Variants in PDE4D observed in about 807,000 individuals in gnomAD.
The protein encoded by PDE4D is 3',5'-cyclic-AMP phosphodiesterase 4D.
PDE4D carries 24 observed loss-of-function variants against 87.4 expected under a neutral mutation model. The ratio of observed to expected loss-of-function variants is 0.27; its 90% CI spans 0.20 to 0.39. The LOEUF (loss-of-function observed/expected upper bound fraction) is 0.39. Among genes scored for constraint, PDE4D ranks in the 10% least tolerant of loss-of-function variants. PDE4D has a pLI of 1.00. For missense variants in PDE4D, 714 were observed against 1,041.0 expected, an observed-to-expected ratio of 0.69 and a Z score of 4.32; for synonymous variants, 384 against 383.2, an observed-to-expected ratio of 1.00 and a Z score of -0.02.
chr5:59,810,899 C>G (rs1263698560), intron 1 of PDE4D, among the ~76,000 whole-genome samples: 6 of 152,156 alleles, frequency 3.9e-5, no homozygotes, highest in African/African-American at 1.2e-4. Context: ...AACAAATGCT[C>G]TAAGATGCAT....
intron 5 of PDE4D, among the ~76,000 whole-genome samples, chr5:59,168,362 C>G (rs949070578): frequency 1.3e-5 from 2 of 152,190 alleles, no homozygotes; most frequent in Non-Finnish European, 2.9e-5. Flanking sequence ...CCTGGTTCCT[C>G]CGAAACACCC....
chr5:59,758,467 A>G (rs1489891177), intron 1 of PDE4D, among the ~76,000 whole-genome samples: 1 of 152,220 alleles, frequency 6.6e-6, no homozygotes, highest in African/African-American at 2.4e-5. Flanking sequence ...TAAGTGCCTC[A>G]TCTGAAATAC....
intron 1 of PDE4D, among the ~76,000 whole-genome samples, chr5:59,400,771 C>T (rs1057203155): frequency 2.6e-5 from 4 of 151,954 alleles, no homozygotes; most frequent in African/African-American, 9.7e-5. Flanking sequence ...TACAACATTC[C>T]TATGAGTTTA....
intron 3 of PDE4D, among the ~76,000 whole-genome samples, chr5:59,936,908 A>G (rs150973548): frequency 1.1e-3 from 174 of 152,356 alleles, no homozygotes; most frequent in African/African-American, 4.0e-3. Context: ...GGTTGAGGAG[A>G]AACTGCTATT....
intron 1 of PDE4D, among the ~76,000 whole-genome samples, chr5:60,341,601 C>T (rs1758323709): frequency 6.6e-6 from 1 of 152,018 alleles, no homozygotes; most frequent in African/African-American, 2.4e-5. Context: ...TTAAAGACTC[C>T]AAACACAGCA....
chr5:59,823,970 C>T (rs1257296291), intron 1 of PDE4D, among the ~76,000 whole-genome samples: 2 of 151,560 alleles, frequency 1.3e-5, no homozygotes, highest in East Asian at 3.9e-4. Context: ...CTCTGTCGCT[C>T]TCCATTGCAT....
intron 1 of PDE4D, among the ~76,000 whole-genome samples, chr5:59,654,468 G>A (rs767904090): frequency 6.6e-6 from 1 of 152,190 alleles, no homozygotes; most frequent in Non-Finnish European, 1.5e-5. Flanking sequence ...CATCCTATCT[G>A]TAGGTGTTGA....
rs915057896 is a variant in PDE4D, at chr5:59,076,377, G to A, written c.809-37406C>T. 4.6e-5 allele frequency among the ~76,000 whole-genome samples: 7 copies of A among 152,094 alleles called. No homozygotes were observed. The South Asian group carries it at 1.2e-3, about 27-fold the overall frequency. On this transcript the variant is annotated intron_variant, in intron 5 of 14. Coordinates refer to ENST00000340635, the MANE Select transcript of PDE4D (RefSeq NM_001104631.2). ...ATTTGTACTTTGTATGAACAATTAGGTTTGAGAATATTGCTATATAATCAC... is the reference window on the plus strand; with the variant it reads ...ATTTGTACTTTGTATGAACAATTAGATTTGAGAATATTGCTATATAATCAC...
At chr5:60,065,091 T>C (rs1771904125) in intron 2 of PDE4D, among the ~76,000 whole-genome samples, 1 of 152,180 alleles carries the variant, frequency 6.6e-6, no homozygotes, top group Admixed American at 6.5e-5. Flanking sequence ...TTGGGTCTTT[T>C]TGGTTTCCTT....
intron 3 of PDE4D, among the ~76,000 whole-genome samples, chr5:59,192,624 TACA>T (rs896063017): frequency 6.6e-6 from 1 of 152,260 alleles, no homozygotes; most frequent in Non-Finnish European, 1.5e-5. Flanking sequence ...TTATAATTTT[TACA>T]ACCTCTCAGG....
intron 1 of PDE4D, among the ~76,000 whole-genome samples, chr5:59,258,671 TTA>T (rs1166072431): frequency 1.3e-5 from 2 of 148,596 alleles, no homozygotes; most frequent in African/African-American, 2.4e-5. Context: ...ATATCATATA[TTA>T]TATATCATAT....
intron 5 of PDE4D, among the ~76,000 whole-genome samples, chr5:59,119,356 G>T (rs375248684): frequency 1.4e-4 from 21 of 152,238 alleles, no homozygotes; most frequent in African/African-American, 4.8e-4. Flanking sequence ...TCTATATATT[G>T]TATAGGGGCT....
chr5:59,091,457 T>G (rs904491624), intron 5 of PDE4D, among the ~76,000 whole-genome samples: 2 of 152,116 alleles, frequency 1.3e-5, no homozygotes, highest in East Asian at 1.9e-4. Flanking sequence ...ATGATATATA[T>G]TATGATGTGC....
chr5:59,212,412 G>C (rs1374827307), intron 2 of PDE4D, among the ~76,000 whole-genome samples: 3 of 152,068 alleles, frequency 2.0e-5, no homozygotes, highest in African/African-American at 7.2e-5. Context: ...AGAATGGAAA[G>C]CTAAACATAT....
chr5:59,925,755 A>G (rs1285718914), intron 3 of PDE4D, among the ~76,000 whole-genome samples: 1 of 152,248 alleles, frequency 6.6e-6, no homozygotes, highest in Admixed American at 6.5e-5. Context: ...GACAAAAACT[A>G]TAAAAAGAGA....
chr5:59,964,948 C>G (rs924640370), intron 3 of PDE4D, among the ~76,000 whole-genome samples: 3 of 151,982 alleles, frequency 2.0e-5, no homozygotes, highest in African/African-American at 7.3e-5. Flanking sequence ...TTGATTATAC[C>G]ATGCTCTATT....
chr5:59,453,325 T>C (rs1799439144), intron 1 of PDE4D, among the ~76,000 whole-genome samples: 1 of 152,200 alleles, frequency 6.6e-6, no homozygotes, highest in Non-Finnish European at 1.5e-5. Context: ...CAATGACCTC[T>C]AAGTGTTCAA....
chr5:60,351,220 G>A (rs1385921423), intron 1 of PDE4D, among the ~76,000 whole-genome samples: 1 of 152,172 alleles, frequency 6.6e-6, no homozygotes, highest in Admixed American at 6.5e-5. Context: ...GTCTAGCTCA[G>A]TCTTATGACA....
Position 58,988,503 on chromosome 5 carries a change from C to A in PDE4D, c.1542G>T (p.Leu514=). The change falls in exon 11 of 15, where the codon CTG becomes CTT. Residue 514 remains leucine, a synonymous_variant. Transcript: ENST00000340635. ...ATAAAGTTTACTTACTTGTATTGATCAGAAATTGATTGGACACACCAGGAT... is the reference window on the plus strand; with the variant it reads ...ATAAAGTTTACTTACTTGTATTGATAAGAAATTGATTGGACACACCAGGAT... ...VDHPGVSNQF[L]INTNSELALM... 1 of 1,437,686 alleles carries A rather than the reference C, an allele frequency of 7.0e-7. No homozygotes were observed. The highest frequency in any genetic ancestry group is 1.4e-5 in the South Asian group (1 of 70,786). The allele number at this position is 1,437,686 out of a possible 1,614,324, so 89.1% of individuals were successfully genotyped here. A position where few individuals can be genotyped will look rare whatever the true frequency, so the allele number is the denominator to read the frequency against.
Sources: allele counts gnomAD v4.1 joint callset (sites outside exome capture counted in the v4.1 genomes callset), GRCh38; gene constraint gnomAD v4.1.1; transcripts MANE v1.5; gene names NCBI Gene and HGNC (gene_info 2026-07-23, HGNC 2026-07-21).